Variants in SMC6 observed in about 807,000 individuals in gnomAD.
The protein encoded by SMC6 is structural maintenance of chromosomes protein 6.
SMC6 carries 79 observed loss-of-function variants against 142.2 expected under a neutral mutation model. The observed-to-expected ratio is 0.56, with a 90% CI of 0.46 to 0.67. The LOEUF (loss-of-function observed/expected upper bound fraction) is 0.67, where lower values mean the gene tolerates loss of function less well. Ranked by LOEUF, SMC6 falls within the 30% of genes least tolerant of loss-of-function variation. The pLI is 0.00. For synonymous variants in SMC6, 411 were observed against 412.4 expected, an observed-to-expected ratio of 1.00 and a Z score of 0.04; for missense variants, 1,072 against 1,284.0, an observed-to-expected ratio of 0.83 and a Z score of 2.52.
chr2:17,719,088 A>C (rs1008385635), intron 11 of SMC6, among the ~76,000 whole-genome samples: 53 of 152,202 alleles, frequency 3.5e-4, no homozygotes, highest in African/African-American at 1.3e-3. Flanking sequence ...AAACCTTTCT[A>C]CAAGGAGCTA....
chr2:17,702,857 T>A (rs1668337262), intron 19 of SMC6, among the ~76,000 whole-genome samples: 1 of 152,224 alleles, frequency 6.6e-6, no homozygotes, highest in South Asian at 2.1e-4. Context: ...CATGTGAAAC[T>A]CTCAGTCCAT....
chr2:17,743,451 A>G (rs2125078489), intron 3 of SMC6, among the ~76,000 whole-genome samples: 1 of 152,276 alleles, frequency 6.6e-6, no homozygotes, highest in East Asian at 1.9e-4. Flanking sequence ...GAGTAGTTTT[A>G]GGTTCACAGC....
At chr2:17,667,187 T>C (rs1428373524) in intron 26 of SMC6, among the ~76,000 whole-genome samples, 4 of 152,186 alleles carry the variant, frequency 2.6e-5, no homozygotes, top group African/African-American at 9.7e-5. Flanking sequence ...GTCAGGGTAA[T>C]GGTAACAAAA....
intron 4 of SMC6, among the ~76,000 whole-genome samples, chr2:17,740,075 T>C (rs1670366462): frequency 6.6e-6 from 1 of 152,186 alleles, no homozygotes; most frequent in Non-Finnish European, 1.5e-5. Context: ...AAGTTCCTAT[T>C]CTAACTCTCT....
intron 22 of SMC6, 93 bp from the exon 23 acceptor site, chr2:17,695,390 A>G (rs1667941229): frequency 1.9e-6 from 2 of 1,026,218 alleles, no homozygotes; most frequent in Non-Finnish European, 1.4e-6. Flanking sequence ...TAAAATTCTG[A>G]ACTCATTTTT....
At chr2:17,674,411 G>C (rs1021870413) in intron 25 of SMC6, among the ~76,000 whole-genome samples, 1 of 151,988 alleles carries the variant, frequency 6.6e-6, no homozygotes, top group Non-Finnish European at 1.5e-5. Context: ...AATATATTCT[G>C]TATGACATCA....
At chr2:17,694,310 A>G (rs1468591412) in intron 23 of SMC6, among the ~76,000 whole-genome samples, 1 of 152,176 alleles carries the variant, frequency 6.6e-6, no homozygotes, top group Non-Finnish European at 1.5e-5. Context: ...GACTTTAGTT[A>G]ACAACAATGT....
chr2:17,705,342 G>A (rs182834644), intron 18 of SMC6, among the ~76,000 whole-genome samples: 2 of 151,904 alleles, frequency 1.3e-5, no homozygotes, highest in African/African-American at 4.8e-5. Context: ...TTTAGGAGGT[G>A]GAGGTGGGTA....
intron 16 of SMC6, among the ~76,000 whole-genome samples, chr2:17,709,425 G>A (rs1341732015): frequency 6.6e-6 from 1 of 152,120 alleles, no homozygotes; most frequent in Non-Finnish European, 1.5e-5. Flanking sequence ...GTAAACATGT[G>A]AGCTATCAAT....
At chr2:17,668,122 C>T (rs1666589043) in intron 26 of SMC6, among the ~76,000 whole-genome samples, 1 of 152,144 alleles carries the variant, frequency 6.6e-6, no homozygotes, top group South Asian at 2.1e-4. Flanking sequence ...GGGCAAAGTG[C>T]CACTCTGATT....
intron 5 of SMC6, among the ~76,000 whole-genome samples, chr2:17,732,561 TG>T (rs1433081730): frequency 2.0e-5 from 3 of 151,972 alleles, no homozygotes; most frequent in Non-Finnish European, 4.4e-5. Flanking sequence ...TAGCCGGGCA[TG>T]GTAGTGCATG....
At chr2:17,701,657 AATATGAAGGCTGTAT>A (rs1558345759) in intron 20 of SMC6, among the ~76,000 whole-genome samples, 157 bp downstream of exon 20, 1 of 152,194 alleles carries the variant, frequency 6.6e-6, no homozygotes, top group Non-Finnish European at 1.5e-5. Flanking sequence ...AACATTAAAA[AATATGAAGGCTGTAT>A]ACCAGGTAGT....
intron 5 of SMC6, among the ~76,000 whole-genome samples, chr2:17,737,268 A>G (rs1417245167): frequency 6.6e-6 from 1 of 152,214 alleles, no homozygotes; most frequent in African/African-American, 2.4e-5. Flanking sequence ...TCTATTCTTT[A>G]GTAATAAAAT....
Position 17,720,897 on chromosome 2 carries a change from T to C in SMC6, c.945+43A>G, listed in dbSNP as rs752093346. On this transcript the variant is annotated intron_variant, in intron 11 of 27. Coordinates refer to ENST00000448223, the MANE Select transcript of SMC6 (RefSeq NM_001142286.2). The stretch of plus-strand genomic sequence containing the variant: ...AAATAGTCTAATATCTGTAATTTCA[T>C]ATGATTCAACCTATTAAATCTGCAT... The C allele has an allele frequency of 2.0e-6, 3 of 1,495,712 alleles. No homozygotes were observed. The Admixed American group carries it at 5.1e-5, about 25-fold the overall frequency. The allele number at this position is 1,495,712 out of a possible 1,614,324, so 92.7% of individuals were successfully genotyped here. A position where few individuals can be genotyped will look rare whatever the true frequency, so the allele number is the denominator to read the frequency against.
rs139489661 is a variant in SMC6 at position 17,745,044 on chromosome 2, C to CTTCA, written c.120+782_120+783insTGAA. 2.8e-3 allele frequency among the ~76,000 whole-genome samples: 432 copies of CTTCA among 152,298 alleles called. 8 individuals are homozygous for CTTCA. In the East Asian group the frequency reaches 0.068, roughly 24 times the overall value. The stretch of plus-strand genomic sequence containing the variant: ...GACTTCAGCATCAGTGGATTTTGGT[C>CTTCA]TGAAGCGGAGTCCTGTGAACCAATC... On this transcript the variant is annotated intron_variant, in intron 3 of 27. Transcript: ENST00000448223.
chr2:17,723,683 A>G (rs1212174847), intron 9 of SMC6, among the ~76,000 whole-genome samples: 3 of 152,180 alleles, frequency 2.0e-5, no homozygotes, highest in Non-Finnish European at 4.4e-5. Context: ...AGTCCTCACG[A>G]TACTCAAATT....
intron 23 of SMC6, among the ~76,000 whole-genome samples, chr2:17,687,941 A>G (rs1383746250): frequency 6.6e-6 from 1 of 152,218 alleles, no homozygotes; most frequent in Non-Finnish European, 1.5e-5. Context: ...ATGTTTTTCA[A>G]TAATTTTCTT....
intron 26 of SMC6, among the ~76,000 whole-genome samples, chr2:17,669,031 C>T (rs947658311): frequency 3.3e-5 from 5 of 151,702 alleles, no homozygotes; most frequent in East Asian, 1.9e-4. Context: ...AGGTATGAGG[C>T]GAAGATAAGG....
rs769866038 is a variant in SMC6 at position 17,721,008 on chromosome 2, T to C, written c.877A>G (p.Ile293Val). Residue 293 changes from isoleucine (I) to valine (V), a missense_variant, in exon 11 of 28, where the codon ATC becomes GTC. Physicochemically the swap from Ile to Val is conservative, Grantham distance 29. This residue lies in a region of SMC6 where 994 missense variants were observed against 1,153.2 expected (regional missense o/e 0.86). Coordinates refer to ENST00000448223, the MANE Select transcript of SMC6 (RefSeq NM_001142286.2). ...VNEIEKQLNA[I>V]RDNIKIGEDR... is the part of the protein sequence containing the mutation. ...TCTCCAATTTTGATATTATCTCTGA[T>C]GGCATTCAATTGTTTTTCAATTTCA... is the stretch of plus-strand genomic sequence containing the variant. 7 of 1,613,640 alleles carry C rather than the reference T, an allele frequency of 4.3e-6. No homozygotes were observed. The African/African-American group carries it at 9.3e-5, about 22-fold the overall frequency.
Sources: allele counts gnomAD v4.1 joint callset (sites outside exome capture counted in the v4.1 genomes callset), GRCh38; gene constraint gnomAD v4.1.1; regional missense constraint gnomAD v4.1.1; transcripts MANE v1.5; gene names NCBI Gene and HGNC (gene_info 2026-07-23, HGNC 2026-07-21).